The following DIAPH1 variants were observed in gnomAD, a reference collection of about 807,000 sequenced individuals.
The protein encoded by DIAPH1 is protein diaphanous homolog 1.
Under a neutral mutation model 140.7 loss-of-function variants are expected in DIAPH1, and 46 were observed. That is an observed-to-expected ratio of 0.33 (90% CI 0.26 to 0.42). The LOEUF (loss-of-function observed/expected upper bound fraction) is 0.42. DIAPH1 is among the 10% of genes least tolerant of loss of function. The probability of loss-of-function intolerance (pLI) is 1.00; values close to 1 mark genes in which losing one functional copy is unlikely to be tolerated. For synonymous variants in DIAPH1, 565 were observed against 551.6 expected, an observed-to-expected ratio of 1.02 and a Z score of -0.34; for missense variants, 1,310 against 1,558.7, an observed-to-expected ratio of 0.84 and a Z score of 2.69.
At chr5:141,548,465 GA>G (rs2099891167) in intron 18 of DIAPH1, among the ~76,000 whole-genome samples, 1 of 152,124 alleles carries the variant, frequency 6.6e-6, no homozygotes, top group Non-Finnish European at 1.5e-5. Context: ...AAAAACACTA[GA>G]AAGGTGTTTC....
chr5:141,616,890 A>G (rs1002392290), intron 1 of DIAPH1, among the ~76,000 whole-genome samples: 1 of 152,228 alleles, frequency 6.6e-6, no homozygotes, highest in Non-Finnish European at 1.5e-5. Flanking sequence ...AACATATAGA[A>G]GACTTCATGG....
intron 1 of DIAPH1, among the ~76,000 whole-genome samples, chr5:141,597,890 C>G (rs1324228939): frequency 1.3e-5 from 2 of 152,132 alleles, no homozygotes; most frequent in East Asian, 3.8e-4. Context: ...TTCAGGAGAC[C>G]CAGAGGTTGC....
chr5:141,516,839 A>C lies in DIAPH1; in HGVS notation c.*12T>G. On this transcript the variant is annotated 3_prime_UTR_variant, in exon 28 of 28. Transcript: ENST00000389054. ...GCTCCGCTGAGGAGCTGCCGCGGTC[A>C]CAGGACCCACATTAGCTTGCACGGC... The C allele has an allele frequency of 6.2e-7, 1 of 1,613,924 alleles. No homozygotes were observed. Among genetic ancestry groups the C allele is most frequent in the Non-Finnish European group, 8.5e-7 (1 of 1,180,016 alleles).
chr5:141,575,150 G>A lies in DIAPH1; in HGVS notation c.1462-4C>T. The A allele has an allele frequency of 1.2e-6, 2 of 1,614,108 alleles. No individual in the cohort carries two copies. The highest frequency in any genetic ancestry group is 1.7e-6 in the Non-Finnish European group (2 of 1,179,996). On this transcript the variant is annotated splice_region_variant and splice_polypyrimidine_tract_variant and intron_variant, in intron 14 of 27. Transcript: ENST00000389054. ...GGGCTGTTAACTCTGAGTCCAACTA[G>A]AGAAAAAACGAATCAGGCTCCCAGC...
chr5:141,527,542 G>T, intron 24 of DIAPH1, 31 bp downstream of exon 24: 7 of 1,611,412 alleles, frequency 4.3e-6, no homozygotes, highest in Non-Finnish European at 5.9e-6. Flanking sequence ...CCCTTCCTAG[G>T]GAACAACTCC....
At chr5:141,571,338 A>T in intron 18 of DIAPH1, 90 bp downstream of exon 18, 1 of 1,141,096 alleles carries the variant, frequency 8.8e-7, no homozygotes, top group Non-Finnish European at 1.3e-6. Flanking sequence ...CTCTGGTCTC[A>T]GTTTTCTAAT....
chr5:141,579,251 G>A (rs2099896391), intron 8 of DIAPH1, 55 bp from the exon 9 acceptor site: 3 of 1,282,120 alleles, frequency 2.3e-6, no homozygotes, highest in Non-Finnish European at 3.4e-6. Context: ...ACACGGACAC[G>A]TATAATGAGT....
Position 141,574,059 on chromosome 5 carries a change from T to G in DIAPH1, c.1791A>C (p.Pro597=). The G allele has an allele frequency of 6.2e-7, 1 of 1,602,240 alleles. No homozygotes were observed. Among genetic ancestry groups the G allele is most frequent in the Non-Finnish European group, 8.5e-7 (1 of 1,174,930 alleles). Residue 597 remains proline, a synonymous_variant, in exon 16 of 28, where the codon CCA becomes CCC. Coordinates refer to ENST00000389054, the MANE Select transcript of DIAPH1 (RefSeq NM_005219.5). ...TACTATCCCCAGGAGCAGGTGGTGGTGGAATAATAGTGCCAGAGTCACCAG... is the reference window on the plus strand; with the variant it reads ...TACTATCCCCAGGAGCAGGTGGTGGGGGAATAATAGTGCCAGAGTCACCAG... ...PLPGDSGTII[P]PPPAPGDSTT...
intron 18 of DIAPH1, among the ~76,000 whole-genome samples, chr5:141,566,590 G>A (rs969149639): frequency 1.3e-5 from 2 of 152,154 alleles, no homozygotes; most frequent in African/African-American, 2.4e-5. Flanking sequence ...AGGTCTATGA[G>A]AACAAAGAAA....
At chr5:141,518,053 T>G (rs564734178) in intron 27 of DIAPH1, among the ~76,000 whole-genome samples, 1 of 152,118 alleles carries the variant, frequency 6.6e-6, no homozygotes, top group African/African-American at 2.4e-5. Context: ...CGAAAGGCCA[T>G]ATGTTATGGG....
intron 26 of DIAPH1, chr5:141,524,688 C>A: frequency 3.8e-6 from 1 of 262,210 alleles, no homozygotes; most frequent in Non-Finnish European, 7.5e-6. Context: ...GAAGTACTGC[C>A]TCCAGTGGCT....
In DIAPH1 at chr5:141,618,936, C is replaced by T. The variant is rs530831319; in HGVS notation, c.-22G>A. 2 of 1,402,688 alleles carry T rather than the reference C, an allele frequency of 1.4e-6. No homozygotes were observed. The highest frequency in any genetic ancestry group is 1.9e-6 in the Non-Finnish European group (2 of 1,050,864). The allele number at this position is 1,402,688 out of a possible 1,614,324, so 86.9% of individuals were successfully genotyped here. ...CCATGTCCCGGTTCACGCTGGCCGG[C>T]GACCCCGCGCCTACGCCGCTCCCGC... On this transcript the variant is annotated 5_prime_UTR_variant, in exon 1 of 28. Transcript: ENST00000389054.
At chr5:141,618,584 G>A (rs1562358044) in intron 1 of DIAPH1, 1 of 465,364 alleles carries the variant, frequency 2.1e-6, no homozygotes, top group East Asian at 4.1e-5. Flanking sequence ...GGGAAGCCCC[G>A]AGGTGGCCGG....
chr5:141,533,214 C>T (rs1233034136), intron 19 of DIAPH1, among the ~76,000 whole-genome samples: 1 of 151,998 alleles, frequency 6.6e-6, no homozygotes, highest in Non-Finnish European at 1.5e-5. Context: ...GAACACATGC[C>T]TAATAGAGCC....
intron 18 of DIAPH1, among the ~76,000 whole-genome samples, chr5:141,554,551 A>T (rs1009709855): frequency 6.6e-6 from 1 of 152,158 alleles, no homozygotes; most frequent in African/African-American, 2.4e-5. Context: ...ATATTTTCTC[A>T]ACTCATGTTG....
chr5:141,592,081 CAAAA>C (rs1169137676), intron 1 of DIAPH1, among the ~76,000 whole-genome samples: 6 of 86,908 alleles, frequency 6.9e-5, no homozygotes, highest in African/African-American at 1.8e-4. Context: ...GACTCTGTAT[CAAAA>C]AAAAAAAAAA....
At chr5:141,521,202 A>T (rs1461820399) in intron 27 of DIAPH1, among the ~76,000 whole-genome samples, 15 of 152,230 alleles carry the variant, frequency 9.9e-5, no homozygotes. Context: ...TGGTTCTGTT[A>T]GATGGATGGA....
At chr5:141,618,561 G>C in intron 1 of DIAPH1, 1 of 437,410 alleles carries the variant, frequency 2.3e-6, no homozygotes, top group Non-Finnish European at 4.2e-6. Context: ...AGAATGTAAG[G>C]GCTGGGGAAC....
intron 27 of DIAPH1, among the ~76,000 whole-genome samples, chr5:141,520,726 C>T (rs1233717542): frequency 1.3e-5 from 2 of 152,052 alleles, no homozygotes; most frequent in Admixed American, 6.5e-5. Context: ...TCATTATGTC[C>T]GACTCTCCTT....
Sources: allele counts gnomAD v4.1 joint callset (sites outside exome capture counted in the v4.1 genomes callset), GRCh38; gene constraint gnomAD v4.1.1; transcripts MANE v1.5; gene names NCBI Gene and HGNC (gene_info 2026-07-23, HGNC 2026-07-21).